Variants in CFAP47 observed in about 807,000 individuals in gnomAD.
CFAP47 encodes cilia- and flagella-associated protein 47.
A neutral mutation model predicts 148.1 loss-of-function variants in CFAP47; 29 were observed. The ratio of observed to expected loss-of-function variants is 0.20; its 90% CI spans 0.15 to 0.27. The LOEUF (loss-of-function observed/expected upper bound fraction) is 0.27. CFAP47 is among the 10% of genes least tolerant of loss of function. The probability of loss-of-function intolerance (pLI) is 1.00; values close to 1 mark genes in which losing one functional copy is unlikely to be tolerated. For synonymous variants in CFAP47, 664 were observed against 577.3 expected, an observed-to-expected ratio of 1.15 and a Z score of -2.15; for missense variants, 1,872 against 1,697.5, an observed-to-expected ratio of 1.10 and a Z score of -1.81.
At chrX:35,977,954 A>G (rs962443564) in intron 15 of CFAP47, among the ~76,000 whole-genome samples, 4 of 111,883 alleles carry the variant, frequency 3.6e-5, no homozygotes, top group Non-Finnish European at 5.6e-5. Context: ...ACACCATTCT[A>G]CATCATAATT....
At chrX:36,125,637 A>C (rs2336369) in intron 33 of CFAP47, among the ~76,000 whole-genome samples, 17,161 of 111,065 alleles carry the variant, frequency 0.15, 2,796 homozygotes, top group African/African-American at 0.49. Flanking sequence ...CCAGTGATTT[A>C]CAATTTAGCT....
At chrX:36,379,885 AT>A (rs1942062327) in intron 63 of CFAP47, 1 of 120,585 alleles carries the variant, frequency 8.3e-6, no homozygotes, top group Middle Eastern at 4.3e-3. Flanking sequence ...TGAGATAGGG[AT>A]TTTGGAGCCC....
intron 33 of CFAP47, among the ~76,000 whole-genome samples, chrX:36,122,691 C>A (rs1938767618): frequency 9.0e-6 from 1 of 111,419 alleles, no homozygotes; most frequent in Admixed American, 9.6e-5. Flanking sequence ...TGATATAATT[C>A]TGAATTCCTT....
intron 22 of CFAP47, among the ~76,000 whole-genome samples, chrX:36,019,335 C>A (rs140276774): frequency 2.7e-5 from 3 of 111,848 alleles, no homozygotes; most frequent in Admixed American, 1.9e-4. Flanking sequence ...CCAGGTTCCT[C>A]GGCCTAAAGC....
intron 42 of CFAP47, among the ~76,000 whole-genome samples, chrX:36,190,402 C>T (rs1476713559): frequency 1.8e-5 from 2 of 112,700 alleles, no homozygotes; most frequent in Non-Finnish European, 3.7e-5. Context: ...AAAGCAGTCC[C>T]ATGGGAGCAG....
intron 45 of CFAP47, among the ~76,000 whole-genome samples, chrX:36,221,184 G>A (rs1186512800): frequency 6.3e-5 from 7 of 111,453 alleles, no homozygotes; most frequent in Non-Finnish European, 5.7e-5. Flanking sequence ...GGATTTGACT[G>A]TAGAAATAAT....
At position 35,970,894 on chromosome X, in the gene CFAP47, T is replaced by C. The variant is rs760395362; in HGVS notation, c.1941T>C (p.Ser647=). The change falls in exon 11 of 64, where the codon AGT becomes AGC. Residue 647 remains serine (S), a synonymous_variant. Transcript: ENST00000378653. ...YYAMYLKYLR[S]VRLQKKQAER... is the part of the protein sequence containing the mutation. ...CAATGTATCTTAAATATTTAAGAAG[T>C]GTGCGCTTGCAGAAGAAACAAGCAG... 8 of 1,189,782 alleles carry C rather than the reference T, an allele frequency of 6.7e-6. No individual in the cohort carries two copies. Among genetic ancestry groups the C allele is most frequent in the East Asian group, 3.0e-5 (1 of 33,278 alleles).
intron 26 of CFAP47, among the ~76,000 whole-genome samples, chrX:36,063,124 T>A (rs1191181641): frequency 8.9e-6 from 1 of 111,889 alleles, no homozygotes; most frequent in Non-Finnish European, 1.9e-5. Context: ...AATCTTATAA[T>A]GGAATTGAAA....
chrX:36,193,791 C>T (rs1452370526), intron 42 of CFAP47, among the ~76,000 whole-genome samples: 1 of 111,551 alleles, frequency 9.0e-6, no homozygotes, highest in Non-Finnish European at 1.9e-5. Flanking sequence ...AAACCCTCAT[C>T]CTACAATAAG....
intron 58 of CFAP47, among the ~76,000 whole-genome samples, chrX:36,348,512 G>T (rs782123618): frequency 1.8e-5 from 2 of 110,549 alleles, no homozygotes; most frequent in Admixed American, 9.7e-5. Context: ...TCTAATGGTT[G>T]ATTTGAAGCT....
At chrX:36,232,918 A>T (rs1456329987) in intron 46 of CFAP47, among the ~76,000 whole-genome samples, 1 of 111,705 alleles carries the variant, frequency 9.0e-6, no homozygotes, top group Non-Finnish European at 1.9e-5. Flanking sequence ...CATGTAATTG[A>T]GTGGTTTTGA....
At chrX:36,228,225 G>T (rs1232550105) in intron 45 of CFAP47, among the ~76,000 whole-genome samples, 2 of 111,245 alleles carry the variant, frequency 1.8e-5, no homozygotes, top group African/African-American at 6.5e-5. Flanking sequence ...GAGTCACATA[G>T]CTGGGTCTGG....
At chrX:36,362,790 C>T (rs185779373) in intron 61 of CFAP47, among the ~76,000 whole-genome samples, 3 of 111,747 alleles carry the variant, frequency 2.7e-5, no homozygotes, top group East Asian at 2.8e-4. Flanking sequence ...AGTTTGATAA[C>T]GAAAAGACAC....
chrX:36,282,779 AC>A (rs1215856646), intron 50 of CFAP47, among the ~76,000 whole-genome samples: 3 of 112,104 alleles, frequency 2.7e-5, no homozygotes, highest in Non-Finnish European at 5.7e-5. Context: ...TGCATGCATT[AC>A]AACAGAAATT....
intron 7 of CFAP47, among the ~76,000 whole-genome samples, chrX:35,954,107 AAT>A (rs1335872945): frequency 9.0e-6 from 1 of 111,561 alleles, no homozygotes; most frequent in African/African-American, 3.3e-5. Context: ...AGAATCTACA[AAT>A]AGGAACAGTA....
chrX:36,024,150 A>G (rs1386537404), intron 22 of CFAP47, among the ~76,000 whole-genome samples: 1 of 111,611 alleles, frequency 9.0e-6, no homozygotes, highest in Non-Finnish European at 1.9e-5. Context: ...GGCTCTTAAC[A>G]GGTGATGAAT....
At chrX:35,988,209 G>T (rs1255526458) in intron 15 of CFAP47, among the ~76,000 whole-genome samples, 2 of 111,888 alleles carry the variant, frequency 1.8e-5, no homozygotes, top group African/African-American at 3.3e-5. Context: ...TATTAAGACA[G>T]ATCTGGAATA....
intron 39 of CFAP47, among the ~76,000 whole-genome samples, chrX:36,173,561 A>C (rs1939619880): frequency 9.0e-6 from 1 of 111,591 alleles, no homozygotes; most frequent in Non-Finnish European, 1.9e-5. Context: ...TTATGTACTC[A>C]GTAGTCATTC....
rs184321242 is a variant in CFAP47 at position 36,345,282 on chromosome X, A to G, written c.8444-2847A>G. 1.7e-3 allele frequency among the ~76,000 whole-genome samples: 186 copies of G among 111,681 alleles called. 1 individual carries two copies. Among genetic ancestry groups the G allele is most frequent in the Non-Finnish European group, 2.5e-3 (133 of 53,082 alleles). On this transcript the variant is annotated intron_variant, in intron 57 of 63. Transcript: ENST00000378653. ...AGCAGTCCCCAGTCTCTGTGGCACC[A>G]GGGATCGGTTTCATGAAAGGCAATT...
Sources: gnomAD v4.1 joint callset for allele counts (sites outside exome capture counted in the v4.1 genomes callset) on GRCh38, gnomAD v4.1.1 for gene constraint, MANE v1.5 for transcripts, NCBI Gene and HGNC (gene_info 2026-07-23, HGNC 2026-07-21) for gene names.